The following CLNK variants were observed in gnomAD, a reference collection of about 807,000 sequenced individuals.
CLNK encodes the protein cytokine-dependent hematopoietic cell linker.
In CLNK, 74 loss-of-function variants were observed where a neutral mutation model predicts 68.6. The observed-to-expected ratio is 1.08, with a 90% CI of 0.89 to 1.31. The LOEUF (loss-of-function observed/expected upper bound fraction) is 1.31, where lower values mean the gene tolerates loss of function less well. Among genes scored for constraint, CLNK ranks in the 50% most tolerant of loss-of-function variants. The pLI is 0.00. For synonymous variants in CLNK, 198 were observed against 172.2 expected, an observed-to-expected ratio of 1.15 and a Z score of -1.17; for missense variants, 553 against 515.3, an observed-to-expected ratio of 1.07 and a Z score of -0.71.
chr4:10,613,147 C>T (rs1052127200), intron 2 of CLNK, among the ~76,000 whole-genome samples: 1 of 151,930 alleles, frequency 6.6e-6, no homozygotes, highest in Non-Finnish European at 1.5e-5. Flanking sequence ...AGAAGGACAA[C>T]AATAACAGTA....
intron 8 of CLNK, among the ~76,000 whole-genome samples, chr4:10,543,932 T>A (rs1719129408): frequency 6.6e-6 from 1 of 152,202 alleles, no homozygotes; most frequent in South Asian, 2.1e-4. Context: ...TAACATTAGA[T>A]CTTTGACTAT....
the CLNK span, among the ~76,000 whole-genome samples, chr4:10,717,307 A>G: frequency 6.6e-6 from 1 of 152,172 alleles, no homozygotes; most frequent in South Asian, 2.1e-4. Context: ...GTGGAGTAAA[A>G]AGCCGTGGCC....
the CLNK span, among the ~76,000 whole-genome samples, chr4:10,709,471 T>A: frequency 6.6e-6 from 1 of 152,208 alleles, no homozygotes. Context: ...CTAATTTCAA[T>A]GAGTCTTTCT....
chr4:10,582,773 G>A (rs986826183), intron 4 of CLNK, among the ~76,000 whole-genome samples: 1 of 152,092 alleles, frequency 6.6e-6, no homozygotes, highest in African/African-American at 2.4e-5. Context: ...ATGCAAAAAA[G>A]AAGGAAATAA....
At chr4:10,726,101 G>A in the CLNK span, among the ~76,000 whole-genome samples, 1 of 152,100 alleles carries the variant, frequency 6.6e-6, no homozygotes, top group Admixed American at 6.6e-5. Context: ...TGGGGTTTCT[G>A]GCAATCTTTG....
At chr4:10,654,231 T>C (rs1477795403) in intron 2 of CLNK, among the ~76,000 whole-genome samples, 5 of 151,778 alleles carry the variant, frequency 3.3e-5, no homozygotes, top group Non-Finnish European at 7.4e-5. Flanking sequence ...CATGACCAAG[T>C]TGAATTTATC....
intron 2 of CLNK, among the ~76,000 whole-genome samples, chr4:10,618,900 C>G (rs1315575327): frequency 2.6e-5 from 4 of 152,224 alleles, no homozygotes; most frequent in Non-Finnish European, 5.9e-5. Flanking sequence ...GGCCCCACTT[C>G]CAGCACTGGG....
At chr4:10,617,290 T>C (rs1287353451) in intron 2 of CLNK, among the ~76,000 whole-genome samples, 2 of 152,202 alleles carry the variant, frequency 1.3e-5, no homozygotes, top group Non-Finnish European at 2.9e-5. Context: ...TAAGTTCAAC[T>C]CTCCAGCATC....
chr4:10,582,274 A>T (rs1296268583), intron 4 of CLNK, among the ~76,000 whole-genome samples: 2 of 152,210 alleles, frequency 1.3e-5, no homozygotes, highest in Non-Finnish European at 2.9e-5. Flanking sequence ...GAGGCATTGG[A>T]TGCTCACATA....
rs571230681 is a variant in CLNK at position 10,543,608 on chromosome 4, C to T, written c.446-1328G>A. Among the ~76,000 whole-genome samples the T allele has an allele frequency of 3.9e-5, 6 of 152,280 alleles. No homozygotes were observed. The South Asian group carries it at 8.3e-4, about 21-fold the overall frequency. On this transcript the variant is annotated intron_variant, in intron 8 of 18. Transcript: ENST00000226951. The stretch of plus-strand genomic sequence containing the variant: ...AATTTCAGCCCGCTCTCCACTGCAC[C>T]GCCTGTTTAGATTCCCCTTGGTGAA...
At chr4:10,642,544 C>A (rs554860170) in intron 2 of CLNK, among the ~76,000 whole-genome samples, 1 of 152,104 alleles carries the variant, frequency 6.6e-6, no homozygotes, top group Non-Finnish European at 1.5e-5. Context: ...AGAGAGAAGA[C>A]AGAATGAGCA....
the CLNK span, among the ~76,000 whole-genome samples, chr4:10,701,033 C>G: frequency 5.4e-4 from 79 of 145,278 alleles, no homozygotes; most frequent in Non-Finnish European, 1.0e-3. Flanking sequence ...TTTACCAGCT[C>G]TCTAACTTTT....
At chr4:10,521,399 C>T (rs1406503895) in intron 14 of CLNK, among the ~76,000 whole-genome samples, 1 of 152,180 alleles carries the variant, frequency 6.6e-6, no homozygotes, top group South Asian at 2.1e-4. Context: ...GACTGTTCAT[C>T]AGTGGCTTTT....
the CLNK span, among the ~76,000 whole-genome samples, chr4:10,698,249 AC>A: frequency 4.0e-4 from 61 of 152,262 alleles, no homozygotes; most frequent in African/African-American, 1.2e-3. Context: ...CAATTTTCAA[AC>A]TAGCAATTAT....
At chr4:10,683,278 C>T (rs1725157785) in intron 1 of CLNK, among the ~76,000 whole-genome samples, 1 of 152,154 alleles carries the variant, frequency 6.6e-6, no homozygotes. Context: ...GAAACAGAAT[C>T]CCCTGGTGTT....
At chr4:10,556,483 T>C (rs1244681964) in intron 8 of CLNK, among the ~76,000 whole-genome samples, 2 of 152,174 alleles carry the variant, frequency 1.3e-5, no homozygotes, top group African/African-American at 4.8e-5. Context: ...ACAGACATAC[T>C]GATATGTGGA....
At chr4:10,732,462 G>C in the CLNK span, among the ~76,000 whole-genome samples, 1 of 152,166 alleles carries the variant, frequency 6.6e-6, no homozygotes, top group South Asian at 2.1e-4. Flanking sequence ...TGGTATGACT[G>C]AACTTGGAAA....
chr4:10,669,589 G>T (rs961161336), intron 1 of CLNK, among the ~76,000 whole-genome samples: 1 of 152,104 alleles, frequency 6.6e-6, no homozygotes, highest in African/African-American at 2.4e-5. Flanking sequence ...AAAGAATGAG[G>T]GAAGGTCCCT....
At chr4:10,652,904 C>T (rs774358462) in intron 2 of CLNK, among the ~76,000 whole-genome samples, 4 of 152,108 alleles carry the variant, frequency 2.6e-5, no homozygotes, top group African/African-American at 7.2e-5. Flanking sequence ...ATGTTTATTG[C>T]GGCACTGTTC....
Sources: gnomAD v4.1 joint callset for allele counts (sites outside exome capture counted in the v4.1 genomes callset) on GRCh38, gnomAD v4.1.1 for gene constraint, MANE v1.5 for transcripts, NCBI Gene and HGNC (gene_info 2026-07-23, HGNC 2026-07-21) for gene names.